The following CYTH2 variants were observed in gnomAD, a reference collection of about 807,000 sequenced individuals.
CYTH2 encodes cytohesin-2.
CYTH2 carries 24 observed loss-of-function variants against 55.4 expected under a neutral mutation model. That is an observed-to-expected ratio of 0.43 (90% CI 0.31 to 0.61). The LOEUF is 0.61. CYTH2 is among the 20% of genes least tolerant of loss of function. The probability of loss-of-function intolerance (pLI) is 0.08; values close to 1 mark genes in which losing one functional copy is unlikely to be tolerated. For synonymous variants in CYTH2, 221 were observed against 209.6 expected (o/e 1.05, Z -0.47); for missense variants, 378 against 533.5 (o/e 0.71, Z 2.87).
chr19:48,473,173 C>A, intron 4 of CYTH2, 125 bp from the exon 5 acceptor site: 2 of 1,029,658 alleles, frequency 1.9e-6, no homozygotes, highest in Non-Finnish European at 2.9e-6. Context: ...CAGCAGGAAA[C>A]TTCACCCTCG....
Position 48,474,118 on chromosome 19 carries a change from T to C in CYTH2, c.548-64T>C. 6.4e-7 allele frequency: 1 copy of C among 1,552,704 alleles called. No homozygotes were observed. The highest frequency in any genetic ancestry group is 1.4e-5 in the African/African-American group (1 of 73,316). On this transcript the variant is annotated intron_variant, in intron 6 of 11. Coordinates refer to ENST00000452733, the MANE Select transcript of CYTH2 (RefSeq NM_004228.7). This position sits in a 1 kb window ranked among gnomAD's most constrained non-coding sequence, Gnocchi z 4.9. ...GCTGGGAGCTGGGAATCCTGGGTCC[T>C]GGGGAATGGGGGCACTGGGGACTGA... is the stretch of plus-strand genomic sequence containing the variant.
Position 48,474,276 on chromosome 19 carries a change from G to A in CYTH2, c.642G>A (p.Val214=). ...VRDKPGLERF[V]AMNRGINEGG... is the part of the protein sequence containing the mutation. ...ACAAGCCGGGCCTGGAGCGCTTTGT[G>A]GCCATGAACCGGGGCATCAACGAGG... Residue 214 remains valine, a synonymous_variant, in exon 7 of 12, where the codon GTG becomes GTA. Coordinates refer to ENST00000452733, the MANE Select transcript of CYTH2 (RefSeq NM_004228.7). The surrounding 1 kb of genome is among the most constrained non-coding windows in gnomAD (Gnocchi z 4.9). 6.2e-7 allele frequency: 1 copy of A among 1,613,614 alleles called. No homozygotes were observed. The highest frequency in any genetic ancestry group is 8.5e-7 in the Non-Finnish European group (1 of 1,179,738).
intron 8 of CYTH2, 126 bp from the exon 9 acceptor site, chr19:48,477,943 C>T (rs1020642942): frequency 2.4e-4 from 163 of 687,112 alleles, no homozygotes; most frequent in Non-Finnish European, 3.8e-4. Context: ...CCCAACGCAG[C>T]GGCTTTGTCT....
intron 3 of CYTH2, among the ~76,000 whole-genome samples, chr19:48,471,777 C>T (rs1016716626): frequency 1.3e-5 from 2 of 152,154 alleles, no homozygotes; most frequent in African/African-American, 2.4e-5. Context: ...TGGCTGGGTT[C>T]GGTGGCTTAT....
intron 1 of CYTH2, 116 bp from the exon 2 acceptor site, chr19:48,470,237 T>G (rs1435758746): frequency 5.6e-6 from 8 of 1,422,620 alleles, no homozygotes; most frequent in Non-Finnish European, 7.6e-6. Context: ...CATTCTTCTG[T>G]GCAGACATAG....
chr19:48,475,119 C>T (rs1971885804), intron 8 of CYTH2, 170 bp downstream of exon 8: 2 of 619,226 alleles, frequency 3.2e-6, no homozygotes, highest in Admixed American at 3.0e-5. Context: ...AAAATCAGGC[C>T]TGTGTGCTGG....
intron 4 of CYTH2, chr19:48,473,087 G>T (rs1359924302): frequency 1.7e-6 from 1 of 572,562 alleles, no homozygotes; most frequent in East Asian, 3.0e-5. Flanking sequence ...CCTAAGCAGG[G>T]TTCCCAAGCC....
chr19:48,474,078 T>TGAGG lies in CYTH2; in HGVS notation c.547+71_547+74dup. ...AGACTGGGGCCCAGACTCCTAGGTC[T>TGAGG]GAGGGAGGGAGGGGGCTGGGAGCTG... On this transcript the variant is annotated intron_variant, in intron 6 of 11. Coordinates refer to ENST00000452733, the MANE Select transcript of CYTH2 (RefSeq NM_004228.7). This position sits in a 1 kb window ranked among gnomAD's most constrained non-coding sequence, Gnocchi z 4.9. The TGAGG allele has an allele frequency of 6.4e-7, 1 of 1,551,080 alleles. No individual in the cohort carries two copies.
At chr19:48,470,873 T>G (rs1971779069) in intron 3 of CYTH2, among the ~76,000 whole-genome samples, 1 of 152,168 alleles carries the variant, frequency 6.6e-6, no homozygotes, top group Non-Finnish European at 1.5e-5. Flanking sequence ...CTGACTGTTT[T>G]GTCCCCTGCC....
Position 48,469,429 on chromosome 19 carries a change from C to G in CYTH2, c.-79C>G. The G allele has an allele frequency of 7.7e-7, 1 of 1,303,652 alleles. No homozygotes were observed. The highest frequency in any genetic ancestry group is 9.8e-7 in the Non-Finnish European group (1 of 1,016,414). 80.8% of individuals were successfully genotyped at this position (1,303,652 alleles called of 1,614,324 possible). On this transcript the variant is annotated 5_prime_UTR_variant, in exon 1 of 12. Transcript: ENST00000452733. ...CTCCCGGGGCGTTTGAGCGGGCTCA[C>G]CCGAGCCCGCGGGCCAACGCGGATC... is the stretch of plus-strand genomic sequence containing the variant.
At position 48,474,524 on chromosome 19, in the gene CYTH2, C is replaced by T. The variant is rs1971870123; in HGVS notation, c.696+194C>T. Among the ~76,000 whole-genome samples, 1 of 152,172 alleles carries T rather than the reference C, an allele frequency of 6.6e-6. No individual in the cohort carries two copies. The stretch of plus-strand genomic sequence containing the variant: ...TGACTGTCTCTCTCAGGCTTTGGCC[C>T]TGACAATTTTGGCCTGTCTGTCTTC... On this transcript the variant is annotated intron_variant, in intron 7 of 11. Coordinates refer to ENST00000452733, the MANE Select transcript of CYTH2 (RefSeq NM_004228.7). This position sits in a 1 kb window ranked among gnomAD's most constrained non-coding sequence, Gnocchi z 4.9.
intron 8 of CYTH2, 146 bp from the exon 9 acceptor site, chr19:48,477,923 G>C: frequency 4.8e-6 from 3 of 619,190 alleles, no homozygotes; most frequent in Non-Finnish European, 8.7e-6. Context: ...GGCCCTGCTT[G>C]TCTGTCTCCC....
rs192523191 is a variant in CYTH2 at position 48,473,405 on chromosome 19, G to A, written c.434+27G>A. 7.1e-4 allele frequency: 1,144 copies of A among 1,609,252 alleles called. 11 individuals are homozygous for A. The highest frequency in any genetic ancestry group is 1.7e-4 in the Admixed American group (10 of 60,004). On this transcript the variant is annotated intron_variant, in intron 5 of 11. Transcript: ENST00000452733. ...TGAGTGAGGGGGAGGGGTTTGGAAC[G>A]CCAGGAATGTACCTGTCAGGGCCTT...
In CYTH2 at chr19:48,481,057, C is replaced by T. The variant is rs555839364; in HGVS notation, c.*1847C>T. 6.5e-6 allele frequency: 1 copy of T among 152,706 alleles called. No individual in the cohort carries two copies. Among genetic ancestry groups the T allele is most frequent in the Admixed American group, 6.5e-5 (1 of 15,304 alleles). The allele number at this position is 152,706 out of a possible 1,614,324, so 9.5% of individuals were successfully genotyped here. On this transcript the variant is annotated 3_prime_UTR_variant, in exon 12 of 12. Coordinates refer to ENST00000452733, the MANE Select transcript of CYTH2 (RefSeq NM_004228.7). ...CCGTGCAAGGGCAGGAGGCAGGGGC[C>T]TGACGTGTTTGGATTGAGGTTGCAG...
In CYTH2 at chr19:48,474,485, G is replaced by T. The variant is rs1304267058; in HGVS notation, c.696+155G>T. 6.6e-6 allele frequency among the ~76,000 whole-genome samples: 1 copy of T among 152,020 alleles called. No homozygotes were observed. The highest frequency in any genetic ancestry group is 6.5e-5 in the Admixed American group (1 of 15,268). On this transcript the variant is annotated intron_variant, in intron 7 of 11. Transcript: ENST00000452733. This position sits in a 1 kb window ranked among gnomAD's most constrained non-coding sequence, Gnocchi z 4.9. Reference sequence around the variant, plus strand: ...TGTGTGATCTTTTTCTCTCTCTCTGGGTGCTTCTCTTCTTGACTGTCTCTC... The same window carrying T: ...TGTGTGATCTTTTTCTCTCTCTCTGTGTGCTTCTCTTCTTGACTGTCTCTC...
At chr19:48,469,774 G>T in intron 1 of CYTH2, 1 of 660,744 alleles carries the variant, frequency 1.5e-6, no homozygotes, top group African/African-American at 1.8e-5. Context: ...AGTGGTGGAG[G>T]CGAGGCCGGG....
chr19:48,479,143 C>G lies in CYTH2; in HGVS notation c.1133C>G (p.Pro378Arg). 6.2e-7 allele frequency: 1 copy of G among 1,614,066 alleles called. No individual in the cohort carries two copies. The highest frequency in any genetic ancestry group is 8.5e-7 in the Non-Finnish European group (1 of 1,179,974). The change falls in exon 12 of 12, where the codon CCC (proline) becomes CGC (arginine). Residue 378 changes from proline (P) to arginine (R), a missense_variant. Pro to Arg is a moderately radical substitution (Grantham distance 103, BLOSUM62 -2). Coordinates refer to ENST00000452733, the MANE Select transcript of CYTH2 (RefSeq NM_004228.7). Reference protein sequence around the residue: ...KSIQAAVSVDPFYEMLAARKK... With the variant: ...KSIQAAVSVDRFYEMLAARKK... The stretch of plus-strand genomic sequence containing the variant: ...TGCAGGGCGGCTGTGAGTGTGGACC[C>G]CTTCTATGAGATGCTGGCAGCGAGA...
intron 5 of CYTH2, 89 bp downstream of exon 5, chr19:48,473,467 A>G (rs1038880324): frequency 7.0e-7 from 1 of 1,421,766 alleles, no homozygotes; most frequent in Non-Finnish European, 9.9e-7. Flanking sequence ...CAAGAAAAAA[A>G]CAGAAACAAG....
Position 48,474,205 on chromosome 19 carries a change from GC to G in CYTH2, c.573del (p.Val192SerfsTer25). ...STDTCYVLSFAVIMLNTSLHN... is the reference protein window; with the variant it reads ...STDTCYVLSFXVIMLNTSLHN... ...AGACACGTGCTATGTGCTGTCCTTC[GC>G]CGTCATCATGCTCAACACCAGTCTC... On this transcript the variant is annotated frameshift_variant, in exon 7 of 12. Coordinates refer to ENST00000452733, the MANE Select transcript of CYTH2 (RefSeq NM_004228.7). LOFTEE classifies it high-confidence loss of function. The surrounding 1 kb of genome is among the most constrained non-coding windows in gnomAD (Gnocchi z 4.9). 1 of 1,606,868 alleles carries G rather than the reference GC, an allele frequency of 6.2e-7. No homozygotes were observed. Among genetic ancestry groups the G allele is most frequent in the Non-Finnish European group, 8.5e-7 (1 of 1,176,306 alleles).
Sources: gnomAD v4.1 joint callset for allele counts (sites outside exome capture counted in the v4.1 genomes callset) on GRCh38, gnomAD v4.1.1 for gene constraint, Gnocchi (gnomAD v3.1) non-coding constraint, MANE v1.5 for transcripts, NCBI Gene and HGNC (gene_info 2026-07-23, HGNC 2026-07-21) for gene names.